CPD: variants seen among roughly 807,000 people sequenced by gnomAD.
CPD encodes the protein carboxypeptidase D.
CPD carries 69 observed loss-of-function variants against 138.3 expected under a neutral mutation model. That is an observed-to-expected ratio of 0.50 (90% CI 0.41 to 0.61). CPD has a LOEUF of 0.61. Ranked by LOEUF, CPD falls within the 20% of genes least tolerant of loss-of-function variation. The pLI, the probability that CPD is intolerant of heterozygous loss-of-function variation, is 0.00. For missense variants in CPD, 1,432 were observed against 1,733.3 expected (o/e 0.83, Z 3.09); for synonymous variants, 651 against 642.1 (o/e 1.01, Z -0.21).
At chr17:30,420,337 TTAA>T (rs899835164) in intron 2 of CPD, among the ~76,000 whole-genome samples, 2 of 152,252 alleles carry the variant, frequency 1.3e-5, no homozygotes, top group Non-Finnish European at 2.9e-5. Flanking sequence ...TCGTAGGTAC[TTAA>T]TAATGCTTCG....
intron 2 of CPD, among the ~76,000 whole-genome samples, chr17:30,419,352 G>GTTTTT (rs1420742699): frequency 5.1e-4 from 77 of 152,078 alleles, no homozygotes; most frequent in Admixed American, 1.6e-3. Context: ...TTTTGTTTTT[G>GTTTTT]TTTTGGAGAC....
At chr17:30,411,137 G>T (rs1911958165) in intron 2 of CPD, among the ~76,000 whole-genome samples, 1 of 152,184 alleles carries the variant, frequency 6.6e-6, no homozygotes, top group South Asian at 2.1e-4. Flanking sequence ...GGCTGGATAT[G>T]AAATTCTGGA....
rs1913457860 is a variant in CPD, at chr17:30,461,044, A to G, written c.3499-136A>G. ...ACAGAGAGGTTTATTTATATTTGTC[A>G]TAAAATGCTTTACAGCTTCTTTGTT... On this transcript the variant is annotated intron_variant, in intron 17 of 20. Transcript: ENST00000225719. 7 of 573,018 alleles carry G rather than the reference A, an allele frequency of 1.2e-5. No homozygotes were observed. The South Asian group carries it at 1.5e-4, about 12-fold the overall frequency. The allele number at this position is 573,018 out of a possible 1,614,324, so 35.5% of individuals were successfully genotyped here.
Position 30,456,520 on chromosome 17 carries a change from C to G in CPD, c.3492C>G (p.Ser1164Arg). 1 of 1,613,730 alleles carries G rather than the reference C, an allele frequency of 6.2e-7. No homozygotes were observed. The highest frequency in any genetic ancestry group is 2.2e-5 in the East Asian group (1 of 44,894). ...CAGAATGGCATAGTCACCTGGGCAG[C>G]ATGAAGGTATGCTTTCTAGAACATG... is the stretch of plus-strand genomic sequence containing the variant. Reference protein sequence around the residue: ...RGAEWHSHLGSMKDYSVTYGH... With the variant: ...RGAEWHSHLGRMKDYSVTYGH... Residue 1164 changes from serine to arginine, a missense_variant, in exon 17 of 21, where the codon AGC (serine) becomes AGG (arginine). Ser to Arg is a moderately radical substitution (Grantham distance 110). This residue lies in a region of CPD where 366 missense variants were observed against 518.8 expected (regional missense o/e 0.71). Transcript: ENST00000225719.
rs554878118 is a variant in CPD, at chr17:30,468,458, TG to T, written c.*3645del. On this transcript the variant is annotated 3_prime_UTR_variant, in exon 21 of 21. Coordinates refer to ENST00000225719, the MANE Select transcript of CPD (RefSeq NM_001304.5). The stretch of plus-strand genomic sequence containing the variant: ...TTCTAGAGCAATCTACAGCTGTTTA[TG>T]TGAGGTGCCCAACACCCATTCATCT... The T allele has an allele frequency of 3.7e-4, 57 of 152,760 alleles. 1 individual carries two copies. The East Asian group carries it at 9.3e-3, about 25-fold the overall frequency. 9.5% of individuals were successfully genotyped at this position (152,760 alleles called of 1,614,324 possible).
At chr17:30,394,411 A>G (rs1428433700) in intron 2 of CPD, among the ~76,000 whole-genome samples, 1 of 152,102 alleles carries the variant, frequency 6.6e-6, no homozygotes, top group Non-Finnish European at 1.5e-5. Context: ...CTCTCCTATA[A>G]TAACTGTCAC....
chr17:30,453,201 A>G (rs1913209614), intron 14 of CPD, among the ~76,000 whole-genome samples: 1 of 152,214 alleles, frequency 6.6e-6, no homozygotes, highest in African/African-American at 2.4e-5. Flanking sequence ...AAAAGTCCAC[A>G]GTCCAACATC....
intron 12 of CPD, among the ~76,000 whole-genome samples, chr17:30,446,445 G>A (rs1036728407): frequency 4.6e-5 from 7 of 151,946 alleles, no homozygotes; most frequent in East Asian, 1.9e-4. Context: ...TTGTCCTTGC[G>A]ATAGTTTGCT....
chr17:30,459,515 T>C (rs1341108590), intron 17 of CPD, among the ~76,000 whole-genome samples: 1 of 152,124 alleles, frequency 6.6e-6, no homozygotes, highest in East Asian at 1.9e-4. Context: ...GAATGATGGT[T>C]TCCAGCTTCA....
chr17:30,454,665 G>A (rs888491042), intron 14 of CPD: 3 of 152,454 alleles, frequency 2.0e-5, no homozygotes, highest in Admixed American at 6.5e-5. Context: ...CCAATTTACT[G>A]TATTAGTCTG....
chr17:30,412,623 G>A (rs1006138410), intron 2 of CPD, among the ~76,000 whole-genome samples: 20 of 152,236 alleles, frequency 1.3e-4, no homozygotes, highest in African/African-American at 4.8e-4. Context: ...AGCCTCGCAG[G>A]TTGATCTCAG....
intron 2 of CPD, among the ~76,000 whole-genome samples, chr17:30,392,973 T>C (rs1283333527): frequency 1.3e-5 from 2 of 152,248 alleles, no homozygotes; most frequent in Non-Finnish European, 2.9e-5. Flanking sequence ...TAAAGCTTTA[T>C]ATTTGTCTTC....
At chr17:30,450,927 T>C (rs1280223587) in intron 13 of CPD, among the ~76,000 whole-genome samples, 1 of 152,188 alleles carries the variant, frequency 6.6e-6, no homozygotes, top group Non-Finnish European at 1.5e-5. Flanking sequence ...TAGTTGTACG[T>C]TGCCTCAGAG....
At chr17:30,404,787 CA>C (rs1911764315) in intron 2 of CPD, among the ~76,000 whole-genome samples, 1 of 151,902 alleles carries the variant, frequency 6.6e-6, no homozygotes, top group Non-Finnish European at 1.5e-5. Flanking sequence ...TTTTGGCCAA[CA>C]GATATTTTAC....
In CPD at chr17:30,421,777, T is replaced by A. The variant is rs145806162; in HGVS notation, c.1251T>A (p.Gly417=). ...INHNITTGRF[G]DFYRLLVPGT... is the part of the protein sequence containing the mutation. Reference sequence around the variant, plus strand: ...ATAATATCACAACAGGCAGATTTGGTGATTTCTACCGATTACTTGTTCCTG... The same window carrying A: ...ATAATATCACAACAGGCAGATTTGGAGATTTCTACCGATTACTTGTTCCTG... The change falls in exon 4 of 21, where the codon GGT becomes GGA. Residue 417 remains glycine, a synonymous_variant. Coordinates refer to ENST00000225719, the MANE Select transcript of CPD (RefSeq NM_001304.5). 66 of 1,613,878 alleles carry A rather than the reference T, an allele frequency of 4.1e-5. 1 individual carries two copies. The African/African-American group carries it at 8.0e-4, about 20-fold the overall frequency.
intron 8 of CPD, among the ~76,000 whole-genome samples, chr17:30,438,536 A>G (rs914923545): frequency 2.0e-5 from 3 of 152,230 alleles, no homozygotes; most frequent in African/African-American, 7.2e-5. Flanking sequence ...GTCAGAGCAC[A>G]GAGGGGCCAT....
intron 8 of CPD, 100 bp downstream of exon 8, chr17:30,431,981 T>A: frequency 1.3e-6 from 1 of 764,686 alleles, no homozygotes; most frequent in Non-Finnish European, 2.1e-6. Flanking sequence ...CTTCCATAGT[T>A]AATAAAGCAT....
intron 7 of CPD, among the ~76,000 whole-genome samples, chr17:30,428,774 T>G (rs1048692937): frequency 6.6e-6 from 1 of 152,016 alleles, no homozygotes. Flanking sequence ...TTTGGAGTTA[T>G]GAAAATGTTC....
intron 7 of CPD, among the ~76,000 whole-genome samples, chr17:30,431,015 A>C (rs1912549381): frequency 6.6e-6 from 1 of 152,184 alleles, no homozygotes; most frequent in Non-Finnish European, 1.5e-5. Context: ...TGATAATTCC[A>C]TGTTAAGCTT....
Sources: allele counts gnomAD v4.1 joint callset (sites outside exome capture counted in the v4.1 genomes callset), GRCh38; gene constraint gnomAD v4.1.1; regional missense constraint gnomAD v4.1.1; transcripts MANE v1.5; gene names NCBI Gene and HGNC (gene_info 2026-07-23, HGNC 2026-07-21).